ZNF614: variants seen among roughly 807,000 people sequenced by gnomAD.
ZNF614 encodes the protein zinc finger protein 614.
Under a neutral mutation model 12.8 loss-of-function variants are expected in ZNF614, and 11 were observed. That is an observed-to-expected ratio of 0.86 (90% CI 0.54 to 1.43). The LOEUF is 1.43. Among genes scored for constraint, ZNF614 ranks in the 40% most tolerant of loss-of-function variants. The probability of loss-of-function intolerance (pLI) is 0.00; values close to 1 mark genes in which losing one functional copy is unlikely to be tolerated. For synonymous variants in ZNF614, 237 were observed against 237.5 expected (o/e 1.00, Z 0.02); for missense variants, 664 against 708.8 (o/e 0.94, Z 0.72).
intron 2 of ZNF614, among the ~76,000 whole-genome samples, chr19:52,019,449 C>T (rs2086921190): frequency 6.6e-6 from 1 of 152,114 alleles, no homozygotes; most frequent in Admixed American, 6.5e-5. Flanking sequence ...CTAAATACCT[C>T]AAATCTCAAA....
chr19:52,020,431 C>T (rs566552751), intron 2 of ZNF614, among the ~76,000 whole-genome samples: 2 of 152,322 alleles, frequency 1.3e-5, no homozygotes, highest in South Asian at 4.1e-4. Flanking sequence ...GTTCCAAACA[C>T]AAAGCTGCTG....
Position 52,016,456 on chromosome 19 carries a change from G to A in ZNF614, c.1142C>T (p.Thr381Ile), listed in dbSNP as rs767939401. 3 of 1,613,990 alleles carry A rather than the reference G, an allele frequency of 1.9e-6. No individual in the cohort carries two copies. Among genetic ancestry groups the A allele is most frequent in the Non-Finnish European group, 2.5e-6 (3 of 1,179,974 alleles). Residue 381 changes from threonine to isoleucine, a missense_variant, in exon 5 of 5, where the codon ACC becomes ATC. By Grantham distance (89) the Thr-to-Ile change is moderately conservative (BLOSUM62 -1). Transcript: ENST00000270649. ...ATGTACAATGAGATTGCTCTTCACG[G>A]TAAAGCCTTTTCCACATTCACTGCA... is the stretch of plus-strand genomic sequence containing the variant. ...YMCSECGKGF[T>I]VKSNLIVHQR...
chr19:52,023,799 T>C (rs947110323), intron 2 of ZNF614, among the ~76,000 whole-genome samples: 3 of 152,162 alleles, frequency 2.0e-5, no homozygotes, highest in African/African-American at 7.2e-5. Context: ...AAGTGTCTTT[T>C]ATATGCTATT....
At chr19:52,025,192 A>G (rs1568515813) in intron 2 of ZNF614, among the ~76,000 whole-genome samples, 1 of 152,210 alleles carries the variant, frequency 6.6e-6, no homozygotes, top group East Asian at 1.9e-4. Flanking sequence ...TATTCCAAAA[A>G]TGGTCTGGAG....
chr19:52,018,734 A>T (rs551893605), intron 2 of ZNF614, among the ~76,000 whole-genome samples: 2 of 152,314 alleles, frequency 1.3e-5, no homozygotes, highest in East Asian at 3.9e-4. Flanking sequence ...CTTCACAACC[A>T]ATATAAGGAT....
intron 2 of ZNF614, among the ~76,000 whole-genome samples, chr19:52,021,765 C>G (rs922356713): frequency 6.7e-6 from 1 of 150,326 alleles, no homozygotes; most frequent in Non-Finnish European, 1.5e-5. Context: ...TAAATGAAAA[C>G]ATGTTCATGA....
At chr19:52,025,681 C>T (rs2086966333) in intron 2 of ZNF614, 50 bp downstream of exon 2, 2 of 1,605,930 alleles carry the variant, frequency 1.2e-6, no homozygotes, top group Middle Eastern at 3.3e-4. Context: ...GTTCAACTGA[C>T]TTCTTCAGGC....
At chr19:52,026,843 T>C (rs1398778102) in intron 1 of ZNF614, among the ~76,000 whole-genome samples, 1 of 152,232 alleles carries the variant, frequency 6.6e-6, no homozygotes, top group Non-Finnish European at 1.5e-5. Flanking sequence ...ACCGAAATGT[T>C]TGTGTGCGTG....
rs1488229410 is a variant in ZNF614 at position 52,016,107 on chromosome 19, G to C, written c.1491C>G (p.Gly497=). ...ECGKSYSHKY[G]LITHQRIHTG... is the part of the protein sequence containing the mutation. ...TGTGAATTCTCTGATGGGTAATGAG[G>C]CCATATTTGTGTGAATAGGATTTTC... Residue 497 remains glycine (G), a synonymous_variant, in exon 5 of 5, where the codon GGC becomes GGG. Transcript: ENST00000270649. The C allele has an allele frequency of 1.2e-6, 2 of 1,613,938 alleles. No homozygotes were observed. The highest frequency in any genetic ancestry group is 2.2e-5 in the South Asian group (2 of 91,056).
Position 52,025,646 on chromosome 19 carries a change from A to G in ZNF614, c.15+85T>C, listed in dbSNP as rs139991920. On this transcript the variant is annotated intron_variant, in intron 2 of 4. Transcript: ENST00000270649. ...TAAGTTAATTTCTCCCTAGAACACA[A>G]TTATCCCAGTATATACTTCCTTAAG... The G allele has an allele frequency of 9.5e-5, 140 of 1,468,168 alleles. No individual in the cohort carries two copies. The African/African-American group carries it at 1.2e-3, about 13-fold the overall frequency. The allele number at this position is 1,468,168 out of a possible 1,614,324, so 90.9% of individuals were successfully genotyped here.
intron 2 of ZNF614, among the ~76,000 whole-genome samples, chr19:52,019,560 A>G (rs1292022967): frequency 6.6e-6 from 1 of 152,228 alleles, no homozygotes; most frequent in East Asian, 1.9e-4. Context: ...CTATAGAATC[A>G]TCAAGAGACA....
intron 1 of ZNF614, among the ~76,000 whole-genome samples, chr19:52,027,350 T>C (rs1015630566): frequency 1.3e-5 from 2 of 152,276 alleles, no homozygotes; most frequent in African/African-American, 4.8e-5. Context: ...CATTTCACAT[T>C]ATGCGCTAAA....
rs1259960682 is a variant in ZNF614 at position 52,016,045 on chromosome 19, T to C, written c.1553A>G (p.Lys518Arg). ...GAGTACTGACTTTGTGGTGAAGGCT[T>C]TTCCACATTCATTGCACTCATAAGG... ...EKPYECNECG[K>R]AFTTKSVLNV... The change falls in exon 5 of 5, where the codon AAA becomes AGA. Residue 518 changes from lysine to arginine, a missense_variant. Transcript: ENST00000270649. The C allele has an allele frequency of 3.1e-6, 5 of 1,614,094 alleles. No homozygotes were observed. The African/African-American group carries it at 5.3e-5, about 17-fold the overall frequency.
rs2086897965 is a variant in ZNF614 at position 52,016,446 on chromosome 19, G to T, written c.1152C>A (p.Ser384Arg). ...GGGAGCGCTGATGTACAATGAGATT[G>T]CTCTTCACGGTAAAGCCTTTTCCAC... ...SECGKGFTVK[S>R]NLIVHQRSHT... The change falls in exon 5 of 5, where the codon AGC (serine) becomes AGA (arginine). Residue 384 changes from serine to arginine, a missense_variant. Physicochemically the swap from Ser to Arg is moderately radical, Grantham distance 110 (BLOSUM62 -1). Transcript: ENST00000270649. 3 of 1,613,908 alleles carry T rather than the reference G, an allele frequency of 1.9e-6. No individual in the cohort carries two copies. Among genetic ancestry groups the T allele is most frequent in the Non-Finnish European group, 2.5e-6 (3 of 1,179,978 alleles).
rs1600033810 is a variant in ZNF614 at position 52,015,703 on chromosome 19, G to A, written c.*137C>T. The A allele has an allele frequency of 1.2e-6, 1 of 815,030 alleles. No homozygotes were observed. Among genetic ancestry groups the A allele is most frequent in the East Asian group, 2.5e-5 (1 of 40,702 alleles). 50.5% of individuals were successfully genotyped at this position (815,030 alleles called of 1,614,324 possible). A position where few individuals can be genotyped will look rare whatever the true frequency, so the allele number is the denominator to read the frequency against. ...CAAATTATTTCACCTCCTGAGGACA[G>A]ACACACATCTGTCAACAGGCAGCAC... is the stretch of plus-strand genomic sequence containing the variant. On this transcript the variant is annotated 3_prime_UTR_variant, in exon 5 of 5. Coordinates refer to ENST00000270649, the MANE Select transcript of ZNF614 (RefSeq NM_025040.4).
chr19:52,015,984 C>A lies in ZNF614; in HGVS notation c.1614G>T (p.Pro538=), dbSNP rs771272193. Residue 538 remains proline, a synonymous_variant, in exon 5 of 5, where the codon CCG becomes CCT. Coordinates refer to ENST00000270649, the MANE Select transcript of ZNF614 (RefSeq NM_025040.4). ...VHQRTHTGER[P]YGCSDCEKAF... Reference sequence around the variant, plus strand: ...CTTTCTCACAATCACTGCATCCATACGGCCTCTCTCCTGTATGCGTTCTTT... The same window carrying A: ...CTTTCTCACAATCACTGCATCCATAAGGCCTCTCTCCTGTATGCGTTCTTT... 1.9e-6 allele frequency: 3 copies of A among 1,614,196 alleles called. No homozygotes were observed. The highest frequency in any genetic ancestry group is 1.7e-6 in the Non-Finnish European group (2 of 1,180,022).
At chr19:52,025,554 G>C (rs2086965737) in intron 2 of ZNF614, among the ~76,000 whole-genome samples, 177 bp downstream of exon 2, 1 of 152,176 alleles carries the variant, frequency 6.6e-6, no homozygotes, top group Middle Eastern at 3.4e-3. Flanking sequence ...GAACTCCTGA[G>C]CTCAAGCGAT....
At chr19:52,026,484 C>G (rs1568516139) in intron 1 of ZNF614, among the ~76,000 whole-genome samples, 2 of 152,176 alleles carry the variant, frequency 1.3e-5, no homozygotes, top group Non-Finnish European at 2.9e-5. Flanking sequence ...TCTCAACTAC[C>G]CAGAGACACA....
rs1193628838 is a variant in ZNF614, at chr19:52,019,354, C to T, written c.16-860G>A. 2.0e-5 allele frequency among the ~76,000 whole-genome samples: 3 copies of T among 151,924 alleles called. No homozygotes were observed. In the East Asian group the frequency reaches 5.8e-4, roughly 29 times the overall value. On this transcript the variant is annotated intron_variant, in intron 2 of 4. Coordinates refer to ENST00000270649, the MANE Select transcript of ZNF614 (RefSeq NM_025040.4). ...CAGAGTTGCAAGACCTAGTGTATGC[C>T]CACTTATGGTTTCTAAAAGGGAAAA... is the stretch of plus-strand genomic sequence containing the variant.
Sources: allele counts gnomAD v4.1 joint callset (sites outside exome capture counted in the v4.1 genomes callset), GRCh38; gene constraint gnomAD v4.1.1; transcripts MANE v1.5; gene names NCBI Gene and HGNC (gene_info 2026-07-23, HGNC 2026-07-21).